DLG2: variants seen among roughly 807,000 people sequenced by gnomAD.
The protein encoded by DLG2 is discs large MAGUK scaffold protein 2, also known as disks large homolog 2.
In DLG2, 45 loss-of-function variants were observed where a neutral mutation model predicts 132.5. The ratio of observed to expected loss-of-function variants is 0.34; its 90% CI spans 0.27 to 0.44. The LOEUF is 0.44. DLG2 is among the 20% of genes least tolerant of loss of function. The pLI is 1.00. For missense variants in DLG2, 1,045 were observed against 1,196.9 expected, an observed-to-expected ratio of 0.87 and a Z score of 1.87; for synonymous variants, 424 against 419.6, an observed-to-expected ratio of 1.01 and a Z score of -0.13.
rs869261514 is a variant in DLG2 at position 85,583,048 on chromosome 11, G to GAA, written c.40+15607_40+15608dup. ...GGGAATCAAGAACTAGAAACCAGGG[G>GAA]AAAAAAAAAATATATATATATATAT... On this transcript the variant is annotated intron_variant, in intron 3 of 27. Coordinates refer to ENST00000376104, the MANE Select transcript of DLG2 (RefSeq NM_001142699.3). Among the ~76,000 whole-genome samples, 123 of 91,496 alleles carry GAA rather than the reference G, an allele frequency of 1.3e-3. 6 individuals carry two copies. The highest frequency in any genetic ancestry group is 1.4e-3 in the East Asian group (5 of 3,522). 60.0% of individuals were successfully genotyped at this position (91,496 alleles called of 152,430 possible).
chr11:85,274,255 A>T (rs789600), intron 4 of DLG2, among the ~76,000 whole-genome samples: 120,815 of 152,138 alleles, frequency 0.79, 48,770 homozygotes, highest in Non-Finnish European at 0.88. Context: ...AAGTATAATT[A>T]AAAAAAGTAA....
chr11:83,577,739 G>T (rs2096900924), intron 19 of DLG2, among the ~76,000 whole-genome samples: 1 of 116,734 alleles, frequency 8.6e-6, no homozygotes, highest in Non-Finnish European at 1.7e-5. Flanking sequence ...CTATAAATAG[G>T]ATATTATAAA....
intron 6 of DLG2, among the ~76,000 whole-genome samples, chr11:84,756,002 A>C (rs944642030): frequency 6.6e-6 from 1 of 152,206 alleles, no homozygotes; most frequent in African/African-American, 2.4e-5. Context: ...TAAAATTTGC[A>C]AAAAGGTTAT....
At chr11:84,269,408 T>A in intron 7 of DLG2, among the ~76,000 whole-genome samples, 1 of 152,252 alleles carries the variant, frequency 6.6e-6, no homozygotes, top group East Asian at 1.9e-4. Flanking sequence ...TCTTCTTCCA[T>A]CATTACTGAG....
At chr11:84,880,792 G>C (rs1159119659) in intron 6 of DLG2, among the ~76,000 whole-genome samples, 1 of 151,994 alleles carries the variant, frequency 6.6e-6, no homozygotes, top group Non-Finnish European at 1.5e-5. Context: ...TTTTAGGAGA[G>C]TACACATAAA....
intron 6 of DLG2, among the ~76,000 whole-genome samples, chr11:84,674,200 C>G (rs544653962): frequency 6.6e-6 from 1 of 152,228 alleles, no homozygotes; most frequent in East Asian, 1.9e-4. Flanking sequence ...CATGTTGCTA[C>G]TGTATTCAAC....
intron 6 of DLG2, among the ~76,000 whole-genome samples, chr11:85,051,860 C>T (rs2062929610): frequency 6.6e-6 from 1 of 152,080 alleles, no homozygotes; most frequent in Non-Finnish European, 1.5e-5. Flanking sequence ...ACAAAACACG[C>T]ACCTAGTAAG....
rs565575570 is a variant in DLG2 at position 84,274,390 on chromosome 11, G to A, written c.520-23099C>T. ...GCATGTCAAGAGGTAAGAGGCAAAA[G>A]GAGAGAAACTCACAGCATAATAAAT... On this transcript the variant is annotated intron_variant, in intron 7 of 27. Coordinates refer to ENST00000376104, the MANE Select transcript of DLG2 (RefSeq NM_001142699.3). Among the ~76,000 whole-genome samples the A allele has an allele frequency of 1.5e-4, 23 of 152,296 alleles. No individual in the cohort carries two copies. The East Asian group carries it at 3.7e-3, about 24-fold the overall frequency.
intron 6 of DLG2, among the ~76,000 whole-genome samples, chr11:84,743,823 C>G (rs899645413): frequency 1.4e-4 from 22 of 152,128 alleles, no homozygotes; most frequent in African/African-American, 5.3e-4. Flanking sequence ...TCTCTGGGTT[C>G]AAATGATTCT....
At chr11:85,141,056 T>C (rs1566925946) in intron 5 of DLG2, among the ~76,000 whole-genome samples, 1 of 152,040 alleles carries the variant, frequency 6.6e-6, no homozygotes, top group East Asian at 1.9e-4. Context: ...TTCAATATGC[T>C]GATTTCTTTT....
At chr11:83,473,839 A>C (rs1024785581) in intron 22 of DLG2, among the ~76,000 whole-genome samples, 1 of 152,098 alleles carries the variant, frequency 6.6e-6, no homozygotes. Context: ...AAAGAGAGGT[A>C]ATTTCATAAG....
At chr11:84,531,917 T>G (rs1316068307) in intron 7 of DLG2, among the ~76,000 whole-genome samples, 2 of 151,408 alleles carry the variant, frequency 1.3e-5, no homozygotes, top group Non-Finnish European at 2.9e-5. Context: ...ATTCCTTTGT[T>G]TATATGAGAT....
chr11:84,640,755 C>T (rs544189031), intron 6 of DLG2, among the ~76,000 whole-genome samples: 7 of 152,200 alleles, frequency 4.6e-5, no homozygotes, highest in South Asian at 4.1e-4. Flanking sequence ...GCCTGACCAA[C>T]GTGGTGAAAC....
chr11:84,517,654 A>G (rs2099277864), intron 7 of DLG2, among the ~76,000 whole-genome samples: 1 of 152,040 alleles, frequency 6.6e-6, no homozygotes, highest in Admixed American at 6.6e-5. Flanking sequence ...TTGGGTATAT[A>G]GCCAGAGTAA....
intron 12 of DLG2, among the ~76,000 whole-genome samples, chr11:83,967,037 A>T (rs1032417424): frequency 6.6e-6 from 1 of 152,026 alleles, no homozygotes; most frequent in Non-Finnish European, 1.5e-5. Flanking sequence ...ATGCCCTCCA[A>T]GTCTACCCAT....
rs189604087 is a variant in DLG2 at position 85,048,385 on chromosome 11, G to T, written c.357+63276C>A. ...TCTATCAAATTAAAGACAGGATGGG[G>T]AATAAAAGATCACTTACTATCGTGG... On this transcript the variant is annotated intron_variant, in intron 6 of 27. Transcript: ENST00000376104. Among the ~76,000 whole-genome samples the T allele has an allele frequency of 4.4e-3, 670 of 151,950 alleles. 2 individuals carry two copies. Among genetic ancestry groups the T allele is most frequent in the Non-Finnish European group, 5.0e-3 (342 of 67,866 alleles).
chr11:85,131,875 T>G (rs2075740529), intron 5 of DLG2, among the ~76,000 whole-genome samples: 1 of 152,204 alleles, frequency 6.6e-6, no homozygotes, highest in African/African-American at 2.4e-5. Flanking sequence ...AATTTTGTTA[T>G]GTTTAATAGT....
intron 2 of DLG2, among the ~76,000 whole-genome samples, chr11:85,619,455 C>T (rs1054539038): frequency 6.6e-6 from 1 of 151,890 alleles, no homozygotes; most frequent in Non-Finnish European, 1.5e-5. Flanking sequence ...TCCCATCTTT[C>T]TCTAGGATGA....
intron 7 of DLG2, among the ~76,000 whole-genome samples, chr11:84,333,868 A>G (rs1249622224): frequency 6.6e-6 from 1 of 152,222 alleles, no homozygotes. Context: ...TGAGAATATT[A>G]TTGTCACAAA....
Sources: allele counts gnomAD v4.1 joint callset (sites outside exome capture counted in the v4.1 genomes callset), GRCh38; gene constraint gnomAD v4.1.1; transcripts MANE v1.5; gene names NCBI Gene and HGNC (gene_info 2026-07-23, HGNC 2026-07-21).